CCL5: variants seen among roughly 807,000 people sequenced by gnomAD.
CCL5 encodes the protein C-C motif chemokine 5.
A neutral mutation model predicts 9.0 loss-of-function variants in CCL5; 5 were observed. The ratio of observed to expected loss-of-function variants is 0.55; its 90% CI spans 0.29 to 1.16. CCL5 has a LOEUF of 1.16. CCL5 is among the 50% of genes most tolerant of loss of function. CCL5 has a pLI of 0.08. For missense variants in CCL5, 183 were observed against 183.2 expected (o/e 1.00, Z 0.01); for synonymous variants, 66 against 72.0 (o/e 0.92, Z 0.42).
At chr17:35,875,916 G>C (rs140800713) in intron 2 of CCL5, among the ~76,000 whole-genome samples, 8 of 152,272 alleles carry the variant, frequency 5.3e-5, no homozygotes, top group Middle Eastern at 3.4e-3. Context: ...CATAGTTGAT[G>C]CTTAATGGAT....
Position 35,880,256 on chromosome 17 carries a change from A to C in CCL5, c.50T>G (p.Leu17Arg). 6.2e-7 allele frequency: 1 copy of C among 1,613,964 alleles called. No homozygotes were observed. Among genetic ancestry groups the C allele is most frequent in the East Asian group, 2.2e-5 (1 of 44,876 alleles). The stretch of plus-strand genomic sequence containing the variant: ...TGGGGAGGCAGATGCAGGAGCGCAG[A>C]GGGCAGTAGCAATGAGGATGACAGC... The change falls in exon 1 of 4, where the codon CTC (leucine) becomes CGC (arginine). Residue 17 changes from leucine to arginine, a missense_variant. Transcript: ENST00000651122.
At chr17:35,873,373 G>C (rs2088400288) in intron 3 of CCL5, among the ~76,000 whole-genome samples, 1 of 151,298 alleles carries the variant, frequency 6.6e-6, no homozygotes, top group Non-Finnish European at 1.5e-5. Flanking sequence ...ATTTTTAGTA[G>C]AGACAGAGTT....
At chr17:35,873,416 T>C (rs1442372630) in intron 3 of CCL5, among the ~76,000 whole-genome samples, 4 of 148,696 alleles carry the variant, frequency 2.7e-5, no homozygotes. Flanking sequence ...CTCGATCTCC[T>C]GACCTCGTGA....
rs1384081841 is a variant in CCL5 at position 35,878,576 on chromosome 17, A to T, written c.140T>A (p.Ile47Asn). The change falls in exon 2 of 4, where the codon ATC (isoleucine) becomes AAC (asparagine). Residue 47 changes from isoleucine to asparagine, a missense_variant. Physicochemically the swap from Ile to Asn is moderately radical, Grantham distance 149. Transcript: ENST00000651122. ...GCCACTGGTGTAGAAATACTCCTTG[A>T]TGTGGGCACGGGGCAGTGGGCGGGC... The T allele has an allele frequency of 2.5e-6, 4 of 1,613,978 alleles. No individual in the cohort carries two copies. In the South Asian group the frequency reaches 4.4e-5, roughly 18 times the overall value.
Position 35,880,360 on chromosome 17 carries a change from G to T in CCL5, c.-55C>A. Reference sequence around the variant, plus strand: ...CACGTGCTGTCTTGATCCTCTGCAGGAATCCTCTGCAGCTCAGGCTGGCCC... The same window carrying T: ...CACGTGCTGTCTTGATCCTCTGCAGTAATCCTCTGCAGCTCAGGCTGGCCC... On this transcript the variant is annotated 5_prime_UTR_variant, in exon 1 of 4. Transcript: ENST00000651122. The T allele has an allele frequency of 1.4e-6, 2 of 1,443,268 alleles. No individual in the cohort carries two copies. Among genetic ancestry groups the T allele is most frequent in the Non-Finnish European group, 1.9e-6 (2 of 1,040,870 alleles). The allele number at this position is 1,443,268 out of a possible 1,614,324, so 89.4% of individuals were successfully genotyped here.
chr17:35,876,853 ATC>A, intron 2 of CCL5, among the ~76,000 whole-genome samples: 1 of 151,956 alleles, frequency 6.6e-6, no homozygotes, highest in Non-Finnish European at 1.5e-5. Context: ...GCCAGGCCAA[ATC>A]TCTCCTCAGA....
intron 2 of CCL5, 122 bp downstream of exon 2, chr17:35,878,406 G>C (rs186465182): frequency 1.4e-6 from 1 of 689,754 alleles, no homozygotes; most frequent in African/African-American, 1.8e-5. Context: ...GGACTCTGAG[G>C]CTAGAGATGG....
At chr17:35,873,251 G>A (rs1339685714) in intron 3 of CCL5, among the ~76,000 whole-genome samples, 4 of 147,072 alleles carry the variant, frequency 2.7e-5, no homozygotes, top group East Asian at 2.1e-4. Context: ...GCAGTGGCAC[G>A]ATCTCAGCTC....
intron 1 of CCL5, 65 bp from the exon 2 acceptor site, chr17:35,878,704 T>C: frequency 2.2e-6 from 2 of 896,302 alleles, no homozygotes; most frequent in Non-Finnish European, 1.8e-6. Flanking sequence ...GACATTGTGC[T>C]GGACACTTTA....
At chr17:35,876,031 T>A (rs915202090) in intron 2 of CCL5, among the ~76,000 whole-genome samples, 2 of 152,236 alleles carry the variant, frequency 1.3e-5, no homozygotes, top group African/African-American at 4.8e-5. Flanking sequence ...ATAATGATAA[T>A]AATAAGCTAA....
chr17:35,879,013 C>T (rs1048341121), intron 1 of CCL5, among the ~76,000 whole-genome samples: 29 of 152,156 alleles, frequency 1.9e-4, no homozygotes, highest in African/African-American at 6.5e-4. Context: ...TTCCAAAGCT[C>T]AGGCTCCATG....
chr17:35,876,760 C>T (rs1250554075), intron 2 of CCL5, among the ~76,000 whole-genome samples: 1 of 152,238 alleles, frequency 6.6e-6, no homozygotes, highest in East Asian at 1.9e-4. Flanking sequence ...TGCTTTCCTA[C>T]ATGGAGACTG....
In CCL5 at chr17:35,880,336, A is replaced by G. The variant is rs1184511495; in HGVS notation, c.-31T>C. On this transcript the variant is annotated 5_prime_UTR_variant, in exon 1 of 4. Transcript: ENST00000651122. The stretch of plus-strand genomic sequence containing the variant: ...CTGTGGGAGAGGCTGTGCGAGGTCC[A>G]CGTGCTGTCTTGATCCTCTGCAGGA... The G allele has an allele frequency of 6.3e-7, 1 of 1,576,870 alleles. No homozygotes were observed. The highest frequency in any genetic ancestry group is 1.3e-5 in the African/African-American group (1 of 74,234).
intron 1 of CCL5, 114 bp from the exon 2 acceptor site, chr17:35,878,753 GA>G (rs2088476394): frequency 1.5e-6 from 1 of 667,758 alleles, no homozygotes; most frequent in Non-Finnish European, 2.6e-6. Flanking sequence ...TTCCTTGACA[GA>G]AACTGAGGCT....
At chr17:35,873,385 C>T (rs1568346526) in intron 3 of CCL5, among the ~76,000 whole-genome samples, 1 of 151,564 alleles carries the variant, frequency 6.6e-6, no homozygotes, top group Non-Finnish European at 1.5e-5. Context: ...GACAGAGTTT[C>T]ACTGTGTTAG....
chr17:35,872,900 A>T (rs9898100), intron 3 of CCL5, among the ~76,000 whole-genome samples: 18,922 of 146,446 alleles, frequency 0.13, 1,327 homozygotes, highest in East Asian at 0.21. Flanking sequence ...TTTTTTTTTT[A>T]TTTTTTGAGA....
At chr17:35,878,697 AT>A (rs1290158734) in intron 1 of CCL5, 58 bp from the exon 2 acceptor site, 149 of 962,642 alleles carry the variant, frequency 1.5e-4, no homozygotes, top group Non-Finnish European at 4.3e-5. Context: ...CACACTTGAC[AT>A]TGTGCTGGAC....
intron 2 of CCL5, among the ~76,000 whole-genome samples, chr17:35,877,233 G>T (rs1216693906): frequency 6.6e-6 from 1 of 152,098 alleles, no homozygotes; most frequent in East Asian, 1.9e-4. Flanking sequence ...ACCCTGGCTG[G>T]GTACAGTAGC....
chr17:35,878,577 T>TGTGGGCACGGGGCA lies in CCL5; in HGVS notation c.125_138dup (p.Ile47CysfsTer45). ...CCACTGGTGTAGAAATACTCCTTGA[T>TGTGGGCACGGGGCA]GTGGGCACGGGGCAGTGGGCGGGCA... On this transcript the variant is annotated frameshift_variant, in exon 2 of 4. Coordinates refer to ENST00000651122, the MANE Select transcript of CCL5 (RefSeq NM_001278736.2). LOFTEE classifies it high-confidence loss of function. The TGTGGGCACGGGGCA allele has an allele frequency of 6.2e-7, 1 of 1,613,956 alleles. No individual in the cohort carries two copies. The highest frequency in any genetic ancestry group is 1.1e-5 in the South Asian group (1 of 91,074).
Sources: allele counts gnomAD v4.1 joint callset (sites outside exome capture counted in the v4.1 genomes callset), GRCh38; gene constraint gnomAD v4.1.1; transcripts MANE v1.5; gene names NCBI Gene and HGNC (gene_info 2026-07-23, HGNC 2026-07-21).